Variants in SMAD2 observed in about 807,000 individuals in gnomAD.
The protein encoded by SMAD2 is MAD homolog 2.
In SMAD2, 8 loss-of-function variants were observed where a neutral mutation model predicts 64.4. That is an observed-to-expected ratio of 0.12 (90% CI 0.07 to 0.22). The LOEUF (loss-of-function observed/expected upper bound fraction) is 0.22. SMAD2 is among the 10% of genes least tolerant of loss of function. The probability of loss-of-function intolerance (pLI) is 1.00; values close to 1 mark genes in which losing one functional copy is unlikely to be tolerated. For synonymous variants in SMAD2, 203 were observed against 195.8 expected (o/e 1.04, Z -0.31); for missense variants, 289 against 561.2 (o/e 0.51, Z 4.90).
intron 2 of SMAD2, among the ~76,000 whole-genome samples, chr18:47,885,725 G>A (rs985541437): frequency 6.6e-6 from 1 of 152,150 alleles, no homozygotes; most frequent in African/African-American, 2.4e-5. Flanking sequence ...ACTTTGGGAG[G>A]CTGAGGCAGG....
chr18:47,860,194 C>G (rs2031065120), intron 6 of SMAD2, among the ~76,000 whole-genome samples: 1 of 152,136 alleles, frequency 6.6e-6, no homozygotes, highest in Non-Finnish European at 1.5e-5. Flanking sequence ...CCAAGTTTAT[C>G]AAACACATAC....
intron 1 of SMAD2, among the ~76,000 whole-genome samples, chr18:47,905,800 A>G (rs1364698525): frequency 6.6e-6 from 1 of 152,146 alleles, no homozygotes; most frequent in Non-Finnish European, 1.5e-5. Flanking sequence ...TAAAACATAA[A>G]AAGCATTAAC....
chr18:47,862,023 T>C (rs557053790), intron 6 of SMAD2, among the ~76,000 whole-genome samples: 1 of 152,348 alleles, frequency 6.6e-6, no homozygotes, highest in South Asian at 2.1e-4. Flanking sequence ...CTATGCTATT[T>C]TGATTATATG....
At chr18:47,892,571 T>A (rs766401471) in intron 2 of SMAD2, among the ~76,000 whole-genome samples, 1 of 152,368 alleles carries the variant, frequency 6.6e-6, no homozygotes, top group Middle Eastern at 3.4e-3. Flanking sequence ...GACTTTTGCA[T>A]CTATGTTTAT....
Position 47,811,558 on chromosome 18 carries a change from C to T in SMAD2, c.*30269G>A, listed in dbSNP as rs1022042908. On this transcript the variant is annotated 3_prime_UTR_variant, in exon 11 of 11. Coordinates refer to ENST00000262160, the MANE Select transcript of SMAD2 (RefSeq NM_005901.6). ...GTGCTCCTAAGGGGCCGCTTTACTTCTGTAAGCTGGGTTGGGTGAATTGGT... is the reference window on the plus strand; with the variant it reads ...GTGCTCCTAAGGGGCCGCTTTACTTTTGTAAGCTGGGTTGGGTGAATTGGT... 1 of 151,824 alleles carries T rather than the reference C, an allele frequency of 6.6e-6. No homozygotes were observed. The highest frequency in any genetic ancestry group is 2.4e-5 in the African/African-American group (1 of 41,316). The allele number at this position is 151,824 out of a possible 1,614,324, so 9.4% of individuals were successfully genotyped here.
At chr18:47,911,130 T>A (rs903024436) in intron 1 of SMAD2, among the ~76,000 whole-genome samples, 2 of 151,906 alleles carry the variant, frequency 1.3e-5, no homozygotes, top group Non-Finnish European at 2.9e-5. Flanking sequence ...GGCGGTTGGA[T>A]CACGAGGTCA....
rs925490140 is a variant in SMAD2 at position 47,814,402 on chromosome 18, C to T, written c.*27425G>A. 1 of 152,190 alleles carries T rather than the reference C, an allele frequency of 6.6e-6. No homozygotes were observed. The highest frequency in any genetic ancestry group is 1.9e-4 in the East Asian group (1 of 5,198). 9.4% of individuals were successfully genotyped at this position (152,190 alleles called of 1,614,324 possible). On this transcript the variant is annotated 3_prime_UTR_variant, in exon 11 of 11. Coordinates refer to ENST00000262160, the MANE Select transcript of SMAD2 (RefSeq NM_005901.6). ...AGAAGGGAGTTCTACATGCTAAGAG[C>T]TCCATTCACATACTAAAAGCAAAGC...
intron 6 of SMAD2, among the ~76,000 whole-genome samples, chr18:47,851,894 C>A (rs1030857921): frequency 6.6e-6 from 1 of 152,124 alleles, no homozygotes; most frequent in Non-Finnish European, 1.5e-5. Flanking sequence ...CTGAAAGATA[C>A]ATTCTTCAAG....
intron 6 of SMAD2, among the ~76,000 whole-genome samples, chr18:47,860,424 A>C (rs2031083607): frequency 2.0e-5 from 3 of 151,754 alleles, no homozygotes; most frequent in Admixed American, 6.6e-5. Context: ...GGTGAATGCC[A>C]CTACCCCTGG....
rs993592792 is a variant in SMAD2 at position 47,821,964 on chromosome 18, C to G, written c.*19863G>C. On this transcript the variant is annotated 3_prime_UTR_variant, in exon 11 of 11. Coordinates refer to ENST00000262160, the MANE Select transcript of SMAD2 (RefSeq NM_005901.6). ...TTAAGTGTTTTTGACTTAAAATTACCTTTGAGTTTTCCACTTGGGCCTCTG... is the reference window on the plus strand; with the variant it reads ...TTAAGTGTTTTTGACTTAAAATTACGTTTGAGTTTTCCACTTGGGCCTCTG... The G allele has an allele frequency of 6.6e-6, 1 of 152,130 alleles. No homozygotes were observed. Among genetic ancestry groups the G allele is most frequent in the African/African-American group, 2.4e-5 (1 of 41,434 alleles). 9.4% of individuals were successfully genotyped at this position (152,130 alleles called of 1,614,324 possible). A position where few individuals can be genotyped will look rare whatever the true frequency, so the allele number is the denominator to read the frequency against.
intron 1 of SMAD2, among the ~76,000 whole-genome samples, chr18:47,908,240 T>G (rs1211206789): frequency 2.6e-5 from 4 of 152,176 alleles, no homozygotes; most frequent in African/African-American, 9.7e-5. Flanking sequence ...GGAAGGGGTA[T>G]TGTTTTGAGG....
rs1912738483 is a variant in SMAD2 at position 47,825,960 on chromosome 18, AAATGTTC to A, written c.*15860_*15866del. ...AAGGTTTTGGAAATGGCATTAATGT[AAATGTTC>A]ACATTAAGAGAAAACGGTTTCCCTG... On this transcript the variant is annotated 3_prime_UTR_variant, in exon 11 of 11. Coordinates refer to ENST00000262160, the MANE Select transcript of SMAD2 (RefSeq NM_005901.6). 1 of 152,208 alleles carries A rather than the reference AAATGTTC, an allele frequency of 6.6e-6. No homozygotes were observed. The highest frequency in any genetic ancestry group is 2.1e-4 in the South Asian group (1 of 4,830). 9.4% of individuals were successfully genotyped at this position (152,208 alleles called of 1,614,324 possible).
chr18:47,837,910 T>A lies in SMAD2; in HGVS notation c.*3917A>T. On this transcript the variant is annotated 3_prime_UTR_variant, in exon 11 of 11. Transcript: ENST00000262160. ...TATTTTATGTACAGTGAAGATTGTC[T>A]TGTGTTACTTTATATCCCAACATAA... 1 of 232,678 alleles carries A rather than the reference T, an allele frequency of 4.3e-6. No individual in the cohort carries two copies. Among genetic ancestry groups the A allele is most frequent in the South Asian group, 1.8e-4 (1 of 5,518 alleles). The allele number at this position is 232,678 out of a possible 1,614,324, so 14.4% of individuals were successfully genotyped here. A position where few individuals can be genotyped will look rare whatever the true frequency, so the allele number is the denominator to read the frequency against.
intron 1 of SMAD2, among the ~76,000 whole-genome samples, chr18:47,924,410 G>A (rs746756205): frequency 6.6e-6 from 1 of 151,876 alleles, no homozygotes; most frequent in African/African-American, 2.4e-5. Context: ...CATTTATGAG[G>A]ATTTTATATA....
intron 1 of SMAD2, among the ~76,000 whole-genome samples, chr18:47,901,999 C>CT (rs1408175050): frequency 6.6e-6 from 1 of 152,142 alleles, no homozygotes; most frequent in Non-Finnish European, 1.5e-5. Context: ...CCTAGAGAAT[C>CT]TTTATCTCAA....
intron 7 of SMAD2, among the ~76,000 whole-genome samples, chr18:47,850,758 TATATTATATAC>T (rs1372031972): frequency 1.5e-3 from 25 of 16,590 alleles, no homozygotes; most frequent in South Asian, 7.4e-3. Context: ...ATATTATATA[TATATTATATAC>T]ATTATGTATA....
At chr18:47,911,695 A>G (rs3813068) in intron 1 of SMAD2, among the ~76,000 whole-genome samples, 87,941 of 152,042 alleles carry the variant, frequency 0.58, 25,871 homozygotes, top group East Asian at 0.85. Context: ...TGAGGTTTGC[A>G]TAGAATTAGG....
At chr18:47,859,090 G>T (rs1227974051) in intron 6 of SMAD2, among the ~76,000 whole-genome samples, 2 of 152,054 alleles carry the variant, frequency 1.3e-5, no homozygotes, top group Non-Finnish European at 2.9e-5. Context: ...AGAAGATATG[G>T]TGATGTTAAT....
chr18:47,866,728 G>C (rs1419176914), intron 5 of SMAD2: 1 of 152,028 alleles, frequency 6.6e-6, no homozygotes, highest in Non-Finnish European at 1.5e-5. Flanking sequence ...TTTCTTTTAA[G>C]TGGAATAAAA....
Sources: allele counts gnomAD v4.1 joint callset (sites outside exome capture counted in the v4.1 genomes callset), GRCh38; gene constraint gnomAD v4.1.1; transcripts MANE v1.5; gene names NCBI Gene and HGNC (gene_info 2026-07-23, HGNC 2026-07-21).